Variants in TANC2 observed in about 807,000 individuals in gnomAD.
The protein encoded by TANC2 is protein TANC2.
In TANC2, 26 loss-of-function variants were observed where a neutral mutation model predicts 210.5. The observed-to-expected ratio is 0.12, with a 90% CI of 0.09 to 0.17. The LOEUF (loss-of-function observed/expected upper bound fraction) is 0.17. TANC2 is among the 10% of genes least tolerant of loss of function. The probability of loss-of-function intolerance (pLI) is 1.00; values close to 1 mark genes in which losing one functional copy is unlikely to be tolerated. For missense variants in TANC2, 2,129 were observed against 2,608.9 expected (o/e 0.82, Z 4.01); for synonymous variants, 931 against 967.1 (o/e 0.96, Z 0.69).
chr17:63,263,011 T>C lies in TANC2; in HGVS notation c.1034-4737T>C, dbSNP rs565723789. Among the ~76,000 whole-genome samples the C allele has an allele frequency of 1.2e-3, 179 of 152,294 alleles. 1 individual carries two copies. The highest frequency in any genetic ancestry group is 4.1e-3 in the African/African-American group (172 of 41,562). ...TTAGTTTAAGTTCCCTAAACTAGCT[T>C]TCAAATACTTATTTCTTTATAGAAA... On this transcript the variant is annotated intron_variant, in intron 8 of 27. Coordinates refer to ENST00000689528, the Ensembl canonical transcript of TANC2.
rs1316938197 is a variant in TANC2 at position 63,106,578 on chromosome 17, C to T, written c.322+7221C>T. ...TTCTTGCTACAACTGGGCCAGGAGGCGTGAGGACAAGGCCCACGCAAGAAC... is the reference window on the plus strand; with the variant it reads ...TTCTTGCTACAACTGGGCCAGGAGGTGTGAGGACAAGGCCCACGCAAGAAC... On this transcript the variant is annotated intron_variant, in intron 4 of 27. Coordinates refer to ENST00000689528, the Ensembl canonical transcript of TANC2. Among the ~76,000 whole-genome samples the T allele has an allele frequency of 2.0e-5, 3 of 151,486 alleles. No individual in the cohort carries two copies. The East Asian group carries it at 5.8e-4, about 29-fold the overall frequency.
rs140183177 is a variant in TANC2 at position 63,139,077 on chromosome 17, A to G, written c.323-12193A>G. 3.8e-3 allele frequency among the ~76,000 whole-genome samples: 580 copies of G among 152,356 alleles called. 3 individuals carry two copies. The highest frequency in any genetic ancestry group is 6.3e-3 in the Non-Finnish European group (426 of 68,028). On this transcript the variant is annotated intron_variant, in intron 4 of 27. Coordinates refer to ENST00000689528, the Ensembl canonical transcript of TANC2. ...TAAGAGGAGACTGCTCTGATTATCT[A>G]TCTCATCAAATGACTAGATTGCTCA... is the stretch of plus-strand genomic sequence containing the variant.
intron 1 of TANC2, among the ~76,000 whole-genome samples, chr17:63,003,878 A>G (rs184261411): frequency 1.9e-4 from 29 of 152,170 alleles, no homozygotes; most frequent in African/African-American, 6.3e-4. Context: ...ATAGTGAGAC[A>G]GTCTGTTTTT....
chr17:63,213,877 G>A (rs904666361), intron 7 of TANC2, among the ~76,000 whole-genome samples: 1 of 152,170 alleles, frequency 6.6e-6, no homozygotes, highest in African/African-American at 2.4e-5. Context: ...TTCAGCACCA[G>A]GACTGCCTTA....
chr17:63,389,714 C>T (rs898269681), intron 17 of TANC2, 170 bp downstream of exon 17: 11 of 677,734 alleles, frequency 1.6e-5, no homozygotes, highest in African/African-American at 1.3e-4. Flanking sequence ...CCACTGCCAT[C>T]CATCCTGCAG....
chr17:62,990,445 G>GT (rs150742684), intron 1 of TANC2, among the ~76,000 whole-genome samples: 3,644 of 149,384 alleles, frequency 0.024, 56 homozygotes, highest in Non-Finnish European at 0.039. Flanking sequence ...GCTGGCTAAT[G>GT]TTTTTTTTTT....
chr17:62,986,789 A>T (rs1447982707), intron 1 of TANC2, among the ~76,000 whole-genome samples: 2 of 151,980 alleles, frequency 1.3e-5, no homozygotes, highest in Non-Finnish European at 2.9e-5. Flanking sequence ...CAGGCTTGGG[A>T]TGCAGATGCG....
At chr17:63,332,233 T>C (rs918108659) in intron 11 of TANC2, 3 of 353,994 alleles carry the variant, frequency 8.5e-6, no homozygotes, top group East Asian at 9.4e-5. Context: ...AATAACCTTT[T>C]ATGGTACAGT....
At chr17:63,101,567 G>C (rs2037621742) in intron 4 of TANC2, among the ~76,000 whole-genome samples, 1 of 152,106 alleles carries the variant, frequency 6.6e-6, no homozygotes, top group Non-Finnish European at 1.5e-5. Flanking sequence ...ACAGATATTT[G>C]TCTAAGGCCC....
At chr17:63,255,984 C>T (rs1205549903) in intron 8 of TANC2, among the ~76,000 whole-genome samples, 1 of 145,890 alleles carries the variant, frequency 6.9e-6, no homozygotes, top group Non-Finnish European at 1.5e-5. Context: ...CAGCTCATTG[C>T]AACCTCTTTC....
chr17:63,338,333 G>T (rs1005789778), intron 11 of TANC2, among the ~76,000 whole-genome samples: 4 of 152,002 alleles, frequency 2.6e-5, no homozygotes, highest in Admixed American at 6.5e-5. Flanking sequence ...GAGCACAGAT[G>T]GGTTTTTTTT....
At chr17:63,011,440 A>C (rs1568315767) in intron 2 of TANC2, among the ~76,000 whole-genome samples, 1 of 152,150 alleles carries the variant, frequency 6.6e-6, no homozygotes, top group Non-Finnish European at 1.5e-5. Context: ...TTCAGTGTGG[A>C]TCAGTTTTGT....
At chr17:63,314,219 G>A (rs2045233898) in intron 9 of TANC2, among the ~76,000 whole-genome samples, 169 bp from the exon 10 acceptor site, 1 of 152,186 alleles carries the variant, frequency 6.6e-6, no homozygotes, top group Admixed American at 6.5e-5. Flanking sequence ...GCTCGCCTGT[G>A]TTGCTTATCT....
intron 9 of TANC2, among the ~76,000 whole-genome samples, chr17:63,280,611 C>T (rs1283009385): frequency 6.6e-6 from 1 of 152,050 alleles, no homozygotes; most frequent in African/African-American, 2.4e-5. Flanking sequence ...CACTTTTGTT[C>T]TTGCTTTCTC....
chr17:63,131,654 G>T (rs1186447004), intron 4 of TANC2, among the ~76,000 whole-genome samples: 1 of 151,920 alleles, frequency 6.6e-6, no homozygotes, highest in Non-Finnish European at 1.5e-5. Flanking sequence ...CAGCTTTCAA[G>T]TTTGAAAGTA....
intron 1 of TANC2, chr17:62,968,395 G>C (rs2031485914): frequency 6.6e-6 from 1 of 152,138 alleles, no homozygotes; most frequent in Admixed American, 6.5e-5. Flanking sequence ...CTTTCCCTTA[G>C]ATCCAAATTC....
chr17:63,003,060 G>T (rs572353346), intron 1 of TANC2, among the ~76,000 whole-genome samples: 23 of 152,104 alleles, frequency 1.5e-4, no homozygotes, highest in Non-Finnish European at 1.6e-4. Flanking sequence ...CAAAGCCATT[G>T]TACCATTTTA....
At chr17:63,204,576 A>C (rs1452382411) in intron 7 of TANC2, among the ~76,000 whole-genome samples, 1 of 151,456 alleles carries the variant, frequency 6.6e-6, no homozygotes, top group Non-Finnish European at 1.5e-5. Flanking sequence ...CCAGCCTGGA[A>C]AACCTAGCGA....
At chr17:63,336,852 T>G (rs1388055345) in intron 11 of TANC2, among the ~76,000 whole-genome samples, 1 of 152,226 alleles carries the variant, frequency 6.6e-6, no homozygotes, top group Non-Finnish European at 1.5e-5. Flanking sequence ...TGATTTATTA[T>G]GAGTAGACTA....
Sources: allele counts gnomAD v4.1 joint callset (sites outside exome capture counted in the v4.1 genomes callset), GRCh38; gene constraint gnomAD v4.1.1; transcripts MANE v1.5; gene names NCBI Gene and HGNC (gene_info 2026-07-23, HGNC 2026-07-21).